The following CNGB3 variants were observed in gnomAD, a reference collection of about 807,000 sequenced individuals.
The protein encoded by CNGB3 is cyclic nucleotide-gated channel beta-3.
A neutral mutation model predicts 92.8 loss-of-function variants in CNGB3; 86 were observed. The ratio of observed to expected loss-of-function variants is 0.93; its 90% CI spans 0.78 to 1.11. The LOEUF (loss-of-function observed/expected upper bound fraction) is 1.11, where lower values mean the gene tolerates loss of function less well. Ranked by LOEUF, CNGB3 falls within the 50% of genes least tolerant of loss-of-function variation. The pLI is 0.00. For synonymous variants in CNGB3, 333 were observed against 332.7 expected (o/e 1.00, Z -0.01); for missense variants, 1,026 against 956.8 (o/e 1.07, Z -0.95).
chr8:86,579,951 C>T (rs1028741242), intron 15 of CNGB3, among the ~76,000 whole-genome samples: 1 of 152,192 alleles, frequency 6.6e-6, no homozygotes, highest in Non-Finnish European at 1.5e-5. Context: ...GTGTAGTAGT[C>T]CATTTTCACC....
intron 12 of CNGB3, among the ~76,000 whole-genome samples, chr8:86,626,956 T>C (rs1021856305): frequency 7.9e-5 from 12 of 152,048 alleles, no homozygotes; most frequent in Non-Finnish European, 1.5e-4. Flanking sequence ...CACCCAGGTA[T>C]TAAGTTTAGT....
chr8:86,731,374 C>A (rs1466585077), intron 2 of CNGB3, among the ~76,000 whole-genome samples: 1 of 152,102 alleles, frequency 6.6e-6, no homozygotes, highest in Non-Finnish European at 1.5e-5. Flanking sequence ...CCTTAAAGTC[C>A]TATAATGTCC....
chr8:86,661,720 G>A, intron 6 of CNGB3: 1 of 1,469,366 alleles, frequency 6.8e-7, no homozygotes, highest in Non-Finnish European at 9.5e-7. Context: ...TCTGACCCAT[G>A]GGTAGTGGTT....
At chr8:86,728,596 T>C (rs1421969658) in intron 2 of CNGB3, among the ~76,000 whole-genome samples, 1 of 152,204 alleles carries the variant, frequency 6.6e-6, no homozygotes, top group Admixed American at 6.5e-5. Context: ...TACTGTATGA[T>C]ATTTAGAAGC....
intron 1 of CNGB3, 90 bp from the exon 2 acceptor site, chr8:86,739,826 T>C: frequency 2.2e-6 from 3 of 1,384,518 alleles, no homozygotes; most frequent in Middle Eastern, 1.8e-4. Flanking sequence ...CACTTAATTG[T>C]CAATCAGATC....
rs146474594 is a variant in CNGB3, at chr8:86,660,733, T to C, written c.852+6192A>G. Reference sequence around the variant, plus strand: ...ACAGTGCTCCCCCATCCAATACATATCCTCCTGAGAGAACAGGTAACACCA... The same window carrying C: ...ACAGTGCTCCCCCATCCAATACATACCCTCCTGAGAGAACAGGTAACACCA... On this transcript the variant is annotated intron_variant, in intron 6 of 17. Transcript: ENST00000320005. The C allele has an allele frequency of 1.5e-5, 8 of 528,072 alleles. No individual in the cohort carries two copies. The Middle Eastern group carries it at 1.2e-3, about 82-fold the overall frequency. The allele number at this position is 528,072 out of a possible 1,614,324, so 32.7% of individuals were successfully genotyped here.
chr8:86,672,138 GC>G (rs1204368971), intron 3 of CNGB3, among the ~76,000 whole-genome samples: 1 of 151,970 alleles, frequency 6.6e-6, no homozygotes, highest in Non-Finnish European at 1.5e-5. Context: ...TCACGTTGTC[GC>G]CCAGGCTGGA....
At chr8:86,676,852 C>T (rs1273871350) in intron 3 of CNGB3, among the ~76,000 whole-genome samples, 1 of 152,176 alleles carries the variant, frequency 6.6e-6, no homozygotes, top group African/African-American at 2.4e-5. Flanking sequence ...AGTGGCCTAT[C>T]AACTACAAGC....
chr8:86,632,543 A>G (rs1160431425), intron 11 of CNGB3, among the ~76,000 whole-genome samples: 1 of 152,192 alleles, frequency 6.6e-6, no homozygotes, highest in Non-Finnish European at 1.5e-5. Context: ...CTATTTGCTG[A>G]CAGGTCTTTT....
At chr8:86,609,604 C>T (rs942866402) in intron 14 of CNGB3, among the ~76,000 whole-genome samples, 1 of 152,154 alleles carries the variant, frequency 6.6e-6, no homozygotes, top group African/African-American at 2.4e-5. Flanking sequence ...TTGAAGTCTG[C>T]TTCCTTTATA....
At chr8:86,737,241 A>G (rs1321100582) in intron 2 of CNGB3, among the ~76,000 whole-genome samples, 2 of 152,204 alleles carry the variant, frequency 1.3e-5, no homozygotes, top group East Asian at 3.8e-4. Flanking sequence ...CCCCTTTTTA[A>G]ACAAATTTTA....
intron 3 of CNGB3, among the ~76,000 whole-genome samples, chr8:86,697,591 A>C (rs1824472544): frequency 6.6e-6 from 1 of 152,258 alleles, no homozygotes; most frequent in Admixed American, 6.5e-5. Flanking sequence ...ATTGGACTTT[A>C]AAAAAATTTT....
chr8:86,626,988 A>G (rs979730634), intron 12 of CNGB3, among the ~76,000 whole-genome samples: 57 of 152,054 alleles, frequency 3.7e-4, no homozygotes, highest in African/African-American at 1.4e-3. Flanking sequence ...GTTTTTCCTG[A>G]TCCTGTCCCT....
chr8:86,702,124 A>G (rs1824569157), intron 3 of CNGB3, among the ~76,000 whole-genome samples: 1 of 152,222 alleles, frequency 6.6e-6, no homozygotes. Flanking sequence ...ACATTATAGC[A>G]CATTGGAAAG....
intron 15 of CNGB3, among the ~76,000 whole-genome samples, chr8:86,584,235 T>C (rs2131538820): frequency 6.6e-6 from 1 of 152,326 alleles, no homozygotes; most frequent in South Asian, 2.1e-4. Flanking sequence ...TTCTATGAAA[T>C]TGACGTTAAT....
At chr8:86,732,142 G>A (rs1447294742) in intron 2 of CNGB3, among the ~76,000 whole-genome samples, 6 of 152,114 alleles carry the variant, frequency 3.9e-5, no homozygotes, top group African/African-American at 1.2e-4. Context: ...TATGAAACAC[G>A]TAATGACAGT....
chr8:86,664,432 A>G (rs1200940892), intron 6 of CNGB3, among the ~76,000 whole-genome samples: 1 of 152,204 alleles, frequency 6.6e-6, no homozygotes, highest in African/African-American at 2.4e-5. Context: ...GTGATATTGG[A>G]GGACATGTTC....
intron 15 of CNGB3, among the ~76,000 whole-genome samples, chr8:86,582,149 C>T (rs1002833758): frequency 3.3e-5 from 5 of 152,094 alleles, no homozygotes; most frequent in African/African-American, 7.2e-5. Flanking sequence ...AATCCCAGCA[C>T]TTTGGAAGGC....
chr8:86,648,966 A>G (rs1023068147), intron 7 of CNGB3, among the ~76,000 whole-genome samples: 1 of 151,548 alleles, frequency 6.6e-6, no homozygotes, highest in Non-Finnish European at 1.5e-5. Context: ...TCAGGTTGTG[A>G]AATCAATGTA....
Sources: gnomAD v4.1 joint callset for allele counts (sites outside exome capture counted in the v4.1 genomes callset) on GRCh38, gnomAD v4.1.1 for gene constraint, MANE v1.5 for transcripts, NCBI Gene and HGNC (gene_info 2026-07-23, HGNC 2026-07-21) for gene names.